Variants in UBASH3B observed in about 807,000 individuals in gnomAD.
The protein encoded by UBASH3B is ubiquitin associated and SH3 domain containing B.
A neutral mutation model predicts 83.4 loss-of-function variants in UBASH3B; 37 were observed. The observed-to-expected ratio is 0.44, with a 90% CI of 0.34 to 0.58. The LOEUF (loss-of-function observed/expected upper bound fraction) is 0.58, where lower values mean the gene tolerates loss of function less well. UBASH3B is among the 20% of genes least tolerant of loss of function. The pLI is 0.01. For missense variants in UBASH3B, 657 were observed against 827.2 expected (o/e 0.79, Z 2.52); for synonymous variants, 304 against 318.3 (o/e 0.96, Z 0.48).
intron 1 of UBASH3B, among the ~76,000 whole-genome samples, chr11:122,670,195 G>A (rs1334715855): frequency 6.6e-6 from 1 of 152,022 alleles, no homozygotes; most frequent in East Asian, 1.9e-4. Context: ...GTGTGTGTGT[G>A]TGTGTATATA....
chr11:122,710,550 G>A (rs1009167421), intron 1 of UBASH3B, among the ~76,000 whole-genome samples: 2 of 152,222 alleles, frequency 1.3e-5, no homozygotes, highest in Non-Finnish European at 2.9e-5. Flanking sequence ...GAAGTCAAAC[G>A]TTCATCCATC....
chr11:122,696,893 T>C (rs1863971788), intron 1 of UBASH3B, among the ~76,000 whole-genome samples: 1 of 152,140 alleles, frequency 6.6e-6, no homozygotes, highest in Non-Finnish European at 1.5e-5. Flanking sequence ...CAAGCGTGGG[T>C]GGGGGTTCCT....
intron 10 of UBASH3B, 82 bp from the exon 11 acceptor site, chr11:122,801,106 C>A: frequency 6.6e-7 from 1 of 1,526,532 alleles, no homozygotes; most frequent in Non-Finnish European, 8.9e-7. Flanking sequence ...AAGAGAATAG[C>A]TGATTTATCA....
chr11:122,713,203 G>A (rs1048735821), intron 1 of UBASH3B, among the ~76,000 whole-genome samples: 39 of 152,110 alleles, frequency 2.6e-4, no homozygotes, highest in African/African-American at 8.2e-4. Context: ...CACTGCACCC[G>A]GCCCAGTGTT....
At chr11:122,710,230 G>T (rs7104341) in intron 1 of UBASH3B, among the ~76,000 whole-genome samples, 43,463 of 151,708 alleles carry the variant, frequency 0.29, 7,258 homozygotes, top group Non-Finnish European at 0.39. Context: ...TAGCTTCTAG[G>T]TTCTCAGAGC....
intron 1 of UBASH3B, among the ~76,000 whole-genome samples, chr11:122,714,247 C>T (rs923009620): frequency 4.6e-5 from 7 of 152,140 alleles, no homozygotes; most frequent in Non-Finnish European, 8.8e-5. Flanking sequence ...ACTGGACAGC[C>T]AAAACAACAA....
At chr11:122,668,028 C>G (rs890577889) in intron 1 of UBASH3B, among the ~76,000 whole-genome samples, 4 of 152,164 alleles carry the variant, frequency 2.6e-5, no homozygotes, top group Admixed American at 2.0e-4. Flanking sequence ...TTCTTGTTGC[C>G]AGGCTGGAGT....
rs1157247261 is a variant in UBASH3B, at chr11:122,758,704, C to G, written c.162-17515C>G. 6.6e-6 allele frequency among the ~76,000 whole-genome samples: 1 copy of G among 152,236 alleles called. No homozygotes were observed. The highest frequency in any genetic ancestry group is 6.5e-5 in the Admixed American group (1 of 15,286). On this transcript the variant is annotated intron_variant, in intron 1 of 13. Transcript: ENST00000284273. The surrounding 1 kb of genome is among the most constrained non-coding windows in gnomAD (Gnocchi z 4.2). The stretch of plus-strand genomic sequence containing the variant: ...ACCTGCCACTCCACGCCACTCTACT[C>G]CCTCCCTTAAGTTGCCAAGCTTTAA...
intron 1 of UBASH3B, among the ~76,000 whole-genome samples, chr11:122,698,041 C>A (rs959801563): frequency 6.6e-6 from 1 of 152,214 alleles, no homozygotes; most frequent in Non-Finnish European, 1.5e-5. Context: ...AGATTTGTCT[C>A]ATTCCAAAGC....
At chr11:122,677,206 T>C (rs1329877874) in intron 1 of UBASH3B, among the ~76,000 whole-genome samples, 1 of 152,176 alleles carries the variant, frequency 6.6e-6, no homozygotes, top group Non-Finnish European at 1.5e-5. Flanking sequence ...CCAGAGATGA[T>C]TTAAAGTACA....
chr11:122,736,788 AC>A (rs1413373618), intron 1 of UBASH3B, among the ~76,000 whole-genome samples: 3 of 152,054 alleles, frequency 2.0e-5, no homozygotes, highest in Non-Finnish European at 2.9e-5. Context: ...GGTGGTTCAC[AC>A]CCGCAATCTC....
chr11:122,757,727 TTTTTTG>T, intron 1 of UBASH3B, among the ~76,000 whole-genome samples: 1 of 145,084 alleles, frequency 6.9e-6, no homozygotes, highest in African/African-American at 2.6e-5. Flanking sequence ...TTTTTTTTTT[TTTTTTG>T]AGACAGAGTC....
intron 6 of UBASH3B, 142 bp from the exon 7 acceptor site, chr11:122,794,560 G>T: frequency 1.9e-6 from 2 of 1,035,298 alleles, no homozygotes; most frequent in South Asian, 1.5e-5. Context: ...TTAGGAATGA[G>T]GCCACTCCTG....
At chr11:122,733,443 TC>T (rs1224325334) in intron 1 of UBASH3B, among the ~76,000 whole-genome samples, 6 of 152,292 alleles carry the variant, frequency 3.9e-5, no homozygotes, top group African/African-American at 1.4e-4. Context: ...TAGAAACAAA[TC>T]CCAGCCATCC....
At chr11:122,781,526 C>A (rs1476052452) in intron 4 of UBASH3B, among the ~76,000 whole-genome samples, 2 of 152,212 alleles carry the variant, frequency 1.3e-5, no homozygotes, top group African/African-American at 2.4e-5. Context: ...GCGGGTGGAG[C>A]CAATTCCTCT....
In UBASH3B at chr11:122,704,633, C is replaced by T. The variant is rs181622077; in HGVS notation, c.161+48423C>T. On this transcript the variant is annotated intron_variant, in intron 1 of 13. Coordinates refer to ENST00000284273, the MANE Select transcript of UBASH3B (RefSeq NM_032873.5). ...CAAGCAATTCTCCTGCCTCAGCCTC[C>T]CGAGTAGCTGGGACTACAGGCACGC... Among the ~76,000 whole-genome samples, 79 of 152,054 alleles carry T rather than the reference C, an allele frequency of 5.2e-4. 1 individual carries two copies. In the East Asian group the frequency reaches 0.012, roughly 24 times the overall value.
chr11:122,656,032 A>G lies in UBASH3B; in HGVS notation c.-18A>G. 1 of 1,547,092 alleles carries G rather than the reference A, an allele frequency of 6.5e-7. No individual in the cohort carries two copies. The highest frequency in any genetic ancestry group is 1.8e-4 in the Middle Eastern group (1 of 5,444). On this transcript the variant is annotated 5_prime_UTR_variant, in exon 1 of 14. It removes an upstream start codon present in the reference 5' UTR. Coordinates refer to ENST00000284273, the MANE Select transcript of UBASH3B (RefSeq NM_032873.5). ...TCCGGCTCGGGCTCCTTCCCTGGCG[A>G]TGGCTGGCCGCTGAGCCATGGCTCA...
chr11:122,753,493 CTTTCT>C (rs1376307698), intron 1 of UBASH3B, among the ~76,000 whole-genome samples: 263 of 117,268 alleles, frequency 2.2e-3, no homozygotes, highest in Middle Eastern at 9.6e-3. Context: ...TATCTTTTTT[CTTTCT>C]TTTTTTTTTT....
intron 1 of UBASH3B, among the ~76,000 whole-genome samples, chr11:122,690,933 C>T (rs906524167): frequency 3.3e-5 from 5 of 152,182 alleles, no homozygotes; most frequent in Non-Finnish European, 7.4e-5. Context: ...CCGATCTTCT[C>T]ACTTCTGCGA....
Sources: allele counts gnomAD v4.1 joint callset (sites outside exome capture counted in the v4.1 genomes callset), GRCh38; gene constraint gnomAD v4.1.1; non-coding constraint Gnocchi (gnomAD v3.1); transcripts MANE v1.5; gene names NCBI Gene and HGNC (gene_info 2026-07-23, HGNC 2026-07-21).